The following PCDHA6 variants were observed in gnomAD, a reference collection of about 807,000 sequenced individuals.
PCDHA6 encodes protocadherin alpha-6.
Under a neutral mutation model 60.3 loss-of-function variants are expected in PCDHA6, and 55 were observed. The observed-to-expected ratio is 0.91, with a 90% confidence interval of 0.73 to 1.14. PCDHA6 has a LOEUF of 1.14. PCDHA6 is among the 50% of genes most tolerant of loss of function. PCDHA6 has a pLI of 0.00. For synonymous variants in PCDHA6, 652 were observed against 557.9 expected (o/e 1.17, Z -2.38); for missense variants, 1,327 against 1,256.5 (o/e 1.06, Z -0.85).
At chr5:140,875,906 C>T in intron 1 of PCDHA6, 1 of 1,614,204 alleles carries the variant, frequency 6.2e-7, no homozygotes, top group East Asian at 2.2e-5. Flanking sequence ...GTTTCTGAAT[C>T]TGCGCCTCTG....
chr5:140,982,288 T>G, intron 2 of PCDHA6, 187 bp from the exon 3 acceptor site: 1 of 1,088,080 alleles, frequency 9.2e-7, no homozygotes, highest in Admixed American at 2.9e-5. Context: ...AGGCAATAAG[T>G]AAGTCAGCAA....
chr5:140,995,379 G>T (rs1300023701), intron 3 of PCDHA6, among the ~76,000 whole-genome samples: 2 of 152,172 alleles, frequency 1.3e-5, no homozygotes, highest in East Asian at 1.9e-4. Context: ...CACGTACTGG[G>T]CAGGATAAAG....
chr5:140,835,605 G>T, intron 1 of PCDHA6: 1 of 1,613,894 alleles, frequency 6.2e-7, no homozygotes. Context: ...CTATTCATTG[G>T]TGCTGGACAG....
chr5:140,882,882 T>C (rs1554175954), intron 1 of PCDHA6: 2 of 1,614,206 alleles, frequency 1.2e-6, no homozygotes, highest in Non-Finnish European at 1.7e-6. Context: ...AGAGAGGAAA[T>C]TCAGGAACAT....
At chr5:140,882,750 A>C (rs781948584) in intron 1 of PCDHA6, 3 of 1,614,128 alleles carry the variant, frequency 1.9e-6, no homozygotes, top group Non-Finnish European at 2.5e-6. Flanking sequence ...TCCGATGCAG[A>C]TATTGGAGTA....
chr5:140,951,762 A>G (rs2094630710), intron 1 of PCDHA6, among the ~76,000 whole-genome samples: 1 of 152,090 alleles, frequency 6.6e-6, no homozygotes, highest in Non-Finnish European at 1.5e-5. Flanking sequence ...GCGAAATCTC[A>G]TGACGTTCTT....
At chr5:140,957,134 T>C (rs2095335911) in intron 1 of PCDHA6, among the ~76,000 whole-genome samples, 1 of 152,210 alleles carries the variant, frequency 6.6e-6, no homozygotes, top group Admixed American at 6.5e-5. Flanking sequence ...TACTACACTA[T>C]GAACTAAAAA....
At chr5:140,851,370 T>A in intron 1 of PCDHA6, 1 of 979,252 alleles carries the variant, frequency 1.0e-6, no homozygotes, top group Non-Finnish European at 1.2e-6. Flanking sequence ...AACATCTGAT[T>A]GTTCAGCAAC....
intron 1 of PCDHA6, chr5:140,856,104 T>C: frequency 6.3e-7 from 1 of 1,597,888 alleles, no homozygotes; most frequent in Non-Finnish European, 8.6e-7. Context: ...TCGCTTCTTC[T>C]CCTCGCAGCC....
In PCDHA6 at chr5:140,828,825, C is replaced by T; in HGVS notation, c.734C>T (p.Ser245Phe). 2 of 1,614,200 alleles carry T rather than the reference C, an allele frequency of 1.2e-6. No homozygotes were observed. The highest frequency in any genetic ancestry group is 8.5e-7 in the Non-Finnish European group (1 of 1,180,040). Residue 245 changes from serine (S) to phenylalanine (F), a missense_variant, in exon 1 of 4, where the codon TCT becomes TTT. Physicochemically the swap from Ser to Phe is radical, Grantham distance 155 (BLOSUM62 -2). Coordinates refer to ENST00000529310, the MANE Select transcript of PCDHA6 (RefSeq NM_018909.4). ...VNDNAPTFEQ[S>F]EYEVRIFENA... ...GATAATGCTCCCACTTTCGAACAGTCTGAATACGAAGTAAGAATATTCGAA... is the reference window on the plus strand; with the variant it reads ...GATAATGCTCCCACTTTCGAACAGTTTGAATACGAAGTAAGAATATTCGAA...
intron 1 of PCDHA6, chr5:140,862,752 G>A (rs554442218): frequency 5.2e-6 from 3 of 577,754 alleles, no homozygotes; most frequent in East Asian, 4.7e-5. Flanking sequence ...TGCACGCGGA[G>A]AGCGGCAAGA....
intron 1 of PCDHA6, chr5:140,928,174 C>T (rs2085016971): frequency 1.9e-6 from 3 of 1,614,060 alleles, no homozygotes; most frequent in African/African-American, 1.3e-5. Flanking sequence ...ACTTAGCACC[C>T]GAAGGACAAT....
intron 1 of PCDHA6, chr5:140,858,161 G>T: frequency 6.3e-7 from 1 of 1,597,836 alleles, no homozygotes; most frequent in Non-Finnish European, 8.6e-7. Flanking sequence ...CATCTGCGCG[G>T]TGTCCAGCTT....
chr5:140,875,651 T>A lies in PCDHA6; in HGVS notation c.2394+45166T>A, dbSNP rs782085221. The A allele has an allele frequency of 5.1e-5, 83 of 1,613,604 alleles. 1 individual carries two copies. The South Asian group carries it at 8.5e-4, about 16-fold the overall frequency. On this transcript the variant is annotated intron_variant, in intron 1 of 3. Coordinates refer to ENST00000529310, the MANE Select transcript of PCDHA6 (RefSeq NM_018909.4). Reference sequence around the variant, plus strand: ...CTGGGGCTGGAGCTGGCGGAGCTGGTGCCGCGCCTGTTCCGGGTGGCGTCC... The same window carrying A: ...CTGGGGCTGGAGCTGGCGGAGCTGGAGCCGCGCCTGTTCCGGGTGGCGTCC...
At chr5:141,001,261 CTT>C (rs1437571267) in intron 3 of PCDHA6, among the ~76,000 whole-genome samples, 1 of 152,062 alleles carries the variant, frequency 6.6e-6, no homozygotes, top group East Asian at 1.9e-4. Flanking sequence ...GGCGGGCACT[CTT>C]ATGAACTTTT....
intron 3 of PCDHA6, among the ~76,000 whole-genome samples, chr5:140,985,773 T>C (rs945442566): frequency 7.2e-6 from 1 of 138,872 alleles, no homozygotes; most frequent in South Asian, 2.4e-4. Context: ...ACAGTCTCGC[T>C]CTGTCGCCCA....
chr5:140,926,813 T>C, intron 1 of PCDHA6: 1 of 1,463,920 alleles, frequency 6.8e-7, no homozygotes, highest in East Asian at 2.5e-5. Flanking sequence ...CCGCGGCTCG[T>C]GCTCTCCAGG....
In PCDHA6 at chr5:140,883,821, A is replaced by G. The variant is rs376667172; in HGVS notation, c.2394+53336A>G. 3 of 1,612,334 alleles carry G rather than the reference A, an allele frequency of 1.9e-6. No homozygotes were observed. Among genetic ancestry groups the G allele is most frequent in the Non-Finnish European group, 2.5e-6 (3 of 1,179,764 alleles). The stretch of plus-strand genomic sequence containing the variant: ...GTGCACGCGGAGAGCGGCAAGGTGT[A>G]CGCGCTGCAGCCGTTGGACCACGAG... On this transcript the variant is annotated intron_variant, in intron 1 of 3. Coordinates refer to ENST00000529310, the MANE Select transcript of PCDHA6 (RefSeq NM_018909.4).
chr5:140,840,189 G>A (rs2150304475), intron 1 of PCDHA6, among the ~76,000 whole-genome samples: 23 of 152,082 alleles, frequency 1.5e-4, no homozygotes, highest in African/African-American at 5.3e-4. Context: ...AATATGGTAG[G>A]CAAAGGAAAA....
Sources: gnomAD v4.1 joint callset for allele counts (sites outside exome capture counted in the v4.1 genomes callset) on GRCh38, gnomAD v4.1.1 for gene constraint, MANE v1.5 for transcripts, NCBI Gene and HGNC (gene_info 2026-07-23, HGNC 2026-07-21) for gene names.